Variants in OR51B5 observed in about 807,000 individuals in gnomAD.
OR51B5 encodes olfactory receptor 51B5.
For synonymous variants in OR51B5, 186 were observed against 144.8 expected (o/e 1.28, Z -2.04); for missense variants, 456 against 374.6 (o/e 1.22, Z -1.79).
chr11:5,503,046 T>G (rs1240660362), intron 1 of OR51B5, among the ~76,000 whole-genome samples: 1 of 152,204 alleles, frequency 6.6e-6, no homozygotes, highest in East Asian at 1.9e-4. Flanking sequence ...GTTATGAAAC[T>G]ATGCACAGTA....
intron 1 of OR51B5, among the ~76,000 whole-genome samples, chr11:5,462,856 T>C (rs1301722289): frequency 6.6e-6 from 1 of 152,222 alleles, no homozygotes; most frequent in Non-Finnish European, 1.5e-5. Flanking sequence ...TGCTCGTAAA[T>C]GCTTTCAGGA....
At chr11:5,472,443 A>G (rs1006022533) in intron 1 of OR51B5, among the ~76,000 whole-genome samples, 8 of 152,082 alleles carry the variant, frequency 5.3e-5, no homozygotes, top group African/African-American at 1.9e-4. Context: ...CTGAAGGGAG[A>G]AATACCAAGT....
At chr11:5,351,779 G>T in intron 1 of OR51B5, 2 of 1,614,042 alleles carry the variant, frequency 1.2e-6, no homozygotes, top group Non-Finnish European at 1.7e-6. Flanking sequence ...AGGGAGATTG[G>T]CCATGGAGCC....
At chr11:5,459,477 A>T (rs1390920109) in intron 1 of OR51B5, among the ~76,000 whole-genome samples, 2 of 149,436 alleles carry the variant, frequency 1.3e-5, no homozygotes, top group Non-Finnish European at 2.9e-5. Flanking sequence ...GGCCTCATAG[A>T]ATGACTTTTG....
intron 1 of OR51B5, among the ~76,000 whole-genome samples, chr11:5,416,970 G>A: frequency 6.9e-6 from 1 of 145,488 alleles, no homozygotes; most frequent in Non-Finnish European, 1.5e-5. Context: ...GCATCGCCAA[G>A]TCAATCCTAA....
intron 1 of OR51B5, among the ~76,000 whole-genome samples, chr11:5,381,146 G>A (rs1031003203): frequency 2.0e-4 from 19 of 95,824 alleles, no homozygotes; most frequent in East Asian, 9.3e-4. Flanking sequence ...TCTCTCTGTC[G>A]CTCGCTCGCT....
intron 1 of OR51B5, chr11:5,422,510 T>G (rs145860973): frequency 6.2e-7 from 1 of 1,614,096 alleles, no homozygotes; most frequent in African/African-American, 1.3e-5. Flanking sequence ...TGCTCAGTTT[T>G]TCTTCCTTCA....
chr11:5,460,019 A>G (rs1307020065), intron 1 of OR51B5, among the ~76,000 whole-genome samples: 1 of 152,220 alleles, frequency 6.6e-6, no homozygotes, highest in Admixed American at 6.5e-5. Context: ...AATATCAAAC[A>G]TATACACCAT....
chr11:5,504,704 T>C (rs575405212), intron 1 of OR51B5, among the ~76,000 whole-genome samples: 1 of 152,332 alleles, frequency 6.6e-6, no homozygotes, highest in African/African-American at 2.4e-5. Context: ...TCATTTGTTT[T>C]CTAACTTAGT....
At chr11:5,353,728 G>A (rs191762900) in intron 1 of OR51B5, among the ~76,000 whole-genome samples, 3 of 152,356 alleles carry the variant, frequency 2.0e-5, no homozygotes, top group East Asian at 3.9e-4. Context: ...GGGCCACCCA[G>A]TGACCAGTCA....
At chr11:5,472,544 C>A (rs1851244203) in intron 1 of OR51B5, among the ~76,000 whole-genome samples, 1 of 152,212 alleles carries the variant, frequency 6.6e-6, no homozygotes, top group African/African-American at 2.4e-5. Context: ...TCCCCTGGTT[C>A]TGCTAAGTCC....
intron 1 of OR51B5, among the ~76,000 whole-genome samples, chr11:5,397,578 T>G (rs1456217091): frequency 2.0e-5 from 3 of 150,452 alleles, no homozygotes; most frequent in African/African-American, 7.3e-5. Flanking sequence ...TGTGGAGAAA[T>G]AGGAACACTT....
intron 1 of OR51B5, among the ~76,000 whole-genome samples, chr11:5,353,847 T>G (rs997116778): frequency 1.5e-4 from 23 of 152,216 alleles, no homozygotes; most frequent in Non-Finnish European, 2.5e-4. Context: ...ATTCTTGGGA[T>G]GTATAAATAA....
chr11:5,379,804 T>C lies in OR51B5; in HGVS notation n.85-32894A>G, dbSNP rs77898786. ...TCACATATGGTGGACAGCTTGATAC[T>C]TTCCCATGAGTCTGGCTTTCTGGGT... On this transcript the variant is annotated intron_variant and non_coding_transcript_variant, in intron 1 of 4. Transcript: ENST00000415970. Among the ~76,000 whole-genome samples, 1,055 of 152,302 alleles carry C rather than the reference T, an allele frequency of 6.9e-3. 9 individuals carry two copies. The highest frequency in any genetic ancestry group is 0.024 in the African/African-American group (1,010 of 41,564).
At chr11:5,396,827 A>C (rs930767880) in intron 1 of OR51B5, among the ~76,000 whole-genome samples, 2 of 152,302 alleles carry the variant, frequency 1.3e-5, no homozygotes, top group East Asian at 1.9e-4. Flanking sequence ...CAGTAACCAA[A>C]ACAGCATAGT....
intron 1 of OR51B5, among the ~76,000 whole-genome samples, chr11:5,373,532 C>A (rs890123931): frequency 6.6e-6 from 1 of 152,138 alleles, no homozygotes; most frequent in African/African-American, 2.4e-5. Flanking sequence ...GAGGCATTGC[C>A]TCACTTGGGA....
intron 1 of OR51B5, among the ~76,000 whole-genome samples, chr11:5,501,272 C>G (rs1228186432): frequency 6.8e-6 from 1 of 147,724 alleles, no homozygotes; most frequent in Non-Finnish European, 1.5e-5. Context: ...ATAAGAACTC[C>G]CACCAAAAGA....
At chr11:5,423,336 G>C in intron 1 of OR51B5, 1 of 625,490 alleles carries the variant, frequency 1.6e-6, no homozygotes, top group East Asian at 2.9e-5. Flanking sequence ...CTATGCAAAA[G>C]AGATATGGAT....
intron 1 of OR51B5, chr11:5,489,661 T>A (rs753115435): frequency 1.2e-6 from 2 of 1,602,230 alleles, no homozygotes; most frequent in Non-Finnish European, 1.7e-6. Context: ...GACTTCAATA[T>A]GAATGCTGAG....
Sources: gnomAD v4.1 joint callset for allele counts (sites outside exome capture counted in the v4.1 genomes callset) on GRCh38, gnomAD v4.1.1 for gene constraint, MANE v1.5 for transcripts, NCBI Gene and HGNC (gene_info 2026-07-23, HGNC 2026-07-21) for gene names.